The following ARHGAP6 variants were observed in gnomAD, a reference collection of about 807,000 sequenced individuals.
ARHGAP6 encodes Rho GTPase activating protein 6.
A neutral mutation model predicts 55.7 loss-of-function variants in ARHGAP6; 16 were observed. The ratio of observed to expected loss-of-function variants is 0.29; its 90% CI spans 0.19 to 0.44. The LOEUF (loss-of-function observed/expected upper bound fraction) is 0.44. Ranked by LOEUF, ARHGAP6 falls within the 20% of genes least tolerant of loss-of-function variation. ARHGAP6 has a pLI of 1.00. For synonymous variants in ARHGAP6, 382 were observed against 360.9 expected (o/e 1.06, Z -0.66); for missense variants, 698 against 808.9 (o/e 0.86, Z 1.66).
At chrX:11,338,252 G>A (rs1210098672) in intron 1 of ARHGAP6, among the ~76,000 whole-genome samples, 2 of 111,875 alleles carry the variant, frequency 1.8e-5, no homozygotes, top group Admixed American at 1.9e-4. Flanking sequence ...CATGGCTTAT[G>A]AGCAGCGTTA....
chrX:11,584,096 A>C (rs2051697592), intron 1 of ARHGAP6, among the ~76,000 whole-genome samples: 1 of 112,371 alleles, frequency 8.9e-6, no homozygotes, highest in Non-Finnish European at 1.9e-5. Context: ...TTTAAAGTTT[A>C]CTGGAACTAA....
chrX:11,427,617 G>C, intron 1 of ARHGAP6: 1 of 881,591 alleles, frequency 1.1e-6, no homozygotes, highest in Non-Finnish European at 1.4e-6. Flanking sequence ...GAGGAGTGGC[G>C]CGCCTTGGGC....
At chrX:11,353,746 T>C (rs546016053) in intron 1 of ARHGAP6, among the ~76,000 whole-genome samples, 1 of 111,226 alleles carries the variant, frequency 9.0e-6, no homozygotes, top group Admixed American at 9.6e-5. Flanking sequence ...CCGTCACTTC[T>C]ATTTTAGTTC....
chrX:11,574,096 C>T (rs1448116747), intron 1 of ARHGAP6, among the ~76,000 whole-genome samples: 3 of 110,685 alleles, frequency 2.7e-5, no homozygotes, highest in Non-Finnish European at 1.9e-5. Context: ...GCTTACCAAC[C>T]AAAAAGAGTC....
intron 2 of ARHGAP6, among the ~76,000 whole-genome samples, chrX:11,197,283 C>G (rs1422689610): frequency 9.0e-6 from 1 of 111,684 alleles, no homozygotes. Context: ...TTTAATTTTA[C>G]TATTATCTAA....
At chrX:11,296,443 C>T (rs1292558974) in intron 1 of ARHGAP6, among the ~76,000 whole-genome samples, 1 of 111,088 alleles carries the variant, frequency 9.0e-6, no homozygotes, top group Non-Finnish European at 1.9e-5. Flanking sequence ...AAACACTGGG[C>T]GTGGGGGTGG....
At chrX:11,344,701 A>G (rs1202966191) in intron 1 of ARHGAP6, among the ~76,000 whole-genome samples, 1 of 101,913 alleles carries the variant, frequency 9.8e-6, no homozygotes. Context: ...AAAAAAAAAA[A>G]AAAGAAAAGA....
At chrX:11,303,297 G>C (rs1418044383) in intron 1 of ARHGAP6, among the ~76,000 whole-genome samples, 1 of 112,355 alleles carries the variant, frequency 8.9e-6, no homozygotes, top group Admixed American at 9.4e-5. Flanking sequence ...GCCATAGGCC[G>C]ACATTTAGAT....
At chrX:11,508,705 C>T (rs2050756674) in intron 1 of ARHGAP6, among the ~76,000 whole-genome samples, 1 of 109,486 alleles carries the variant, frequency 9.1e-6, no homozygotes, top group African/African-American at 3.3e-5. Context: ...GCCTCCTGTG[C>T]TTGGCATAGT....
At chrX:11,587,964 C>T (rs1345701958) in intron 1 of ARHGAP6, among the ~76,000 whole-genome samples, 1 of 112,176 alleles carries the variant, frequency 8.9e-6, no homozygotes, top group African/African-American at 3.2e-5. Flanking sequence ...TATTTAACCC[C>T]TCTGCGTTCT....
At chrX:11,479,817 A>G (rs1006962979) in intron 1 of ARHGAP6, among the ~76,000 whole-genome samples, 1 of 111,180 alleles carries the variant, frequency 9.0e-6, no homozygotes, top group African/African-American at 3.3e-5. Context: ...TGGTTCTTAA[A>G]TTCACTGGGG....
chrX:11,500,053 T>C (rs763594378), intron 1 of ARHGAP6, among the ~76,000 whole-genome samples: 3 of 112,521 alleles, frequency 2.7e-5, no homozygotes, highest in African/African-American at 6.5e-5. Context: ...TTTAGGAGGA[T>C]ATCTGAAGAA....
chrX:11,559,138 T>A (rs2051356600), intron 1 of ARHGAP6, among the ~76,000 whole-genome samples: 1 of 108,707 alleles, frequency 9.2e-6, no homozygotes, highest in South Asian at 4.0e-4. Flanking sequence ...AATCTCTAGG[T>A]CATGGCCCCC....
chrX:11,587,860 C>A (rs1371950255), intron 1 of ARHGAP6, among the ~76,000 whole-genome samples: 1 of 112,002 alleles, frequency 8.9e-6, no homozygotes, highest in Non-Finnish European at 1.9e-5. Context: ...GGATTCTTCA[C>A]CTTCACATAA....
intron 1 of ARHGAP6, chrX:11,335,888 G>T: frequency 5.5e-6 from 1 of 180,534 alleles, no homozygotes; most frequent in South Asian, 9.1e-5. Flanking sequence ...GACACGGCTG[G>T]AGTGGAGCAG....
intron 1 of ARHGAP6, among the ~76,000 whole-genome samples, chrX:11,312,772 T>C (rs1361518029): frequency 1.8e-5 from 2 of 111,447 alleles, no homozygotes; most frequent in Admixed American, 1.9e-4. Context: ...ATTTTCTTTA[T>C]TCTCCTCTTC....
At chrX:11,399,134 T>C (rs750457366) in intron 1 of ARHGAP6, among the ~76,000 whole-genome samples, 8 of 111,342 alleles carry the variant, frequency 7.2e-5, no homozygotes, top group Non-Finnish European at 1.1e-4. Flanking sequence ...TCTGTTCCTC[T>C]CTAATAGAAT....
intron 1 of ARHGAP6, among the ~76,000 whole-genome samples, chrX:11,532,845 CA>C (rs1288959199): frequency 9.0e-6 from 1 of 111,639 alleles, no homozygotes; most frequent in Non-Finnish European, 1.9e-5. Flanking sequence ...TGGCCATTAA[CA>C]GAAACAGTTT....
chrX:11,528,587 C>T (rs188367883), intron 1 of ARHGAP6, among the ~76,000 whole-genome samples: 5 of 112,027 alleles, frequency 4.5e-5, no homozygotes, highest in Non-Finnish European at 9.4e-5. Context: ...GTTATCAATG[C>T]AGATTCTTTG....
Sources: allele counts gnomAD v4.1 joint callset (sites outside exome capture counted in the v4.1 genomes callset), GRCh38; gene constraint gnomAD v4.1.1; transcripts MANE v1.5; gene names NCBI Gene and HGNC (gene_info 2026-07-23, HGNC 2026-07-21).